The following FHAD1 variants were observed in gnomAD, a reference collection of about 807,000 sequenced individuals.
The protein encoded by FHAD1 is forkhead-associated domain-containing protein 1.
A neutral mutation model predicts 191.3 loss-of-function variants in FHAD1; 146 were observed. The observed-to-expected ratio is 0.76, with a 90% CI of 0.67 to 0.88. The LOEUF is 0.88. Among genes scored for constraint, FHAD1 ranks in the 40% least tolerant of loss-of-function variants. The probability of loss-of-function intolerance (pLI) is 0.00; values close to 1 mark genes in which losing one functional copy is unlikely to be tolerated. For synonymous variants in FHAD1, 616 were observed against 672.3 expected, an observed-to-expected ratio of 0.92 and a Z score of 1.29; for missense variants, 1,635 against 1,785.8, an observed-to-expected ratio of 0.92 and a Z score of 1.52.
chr1:15,250,129 A>G lies in FHAD1; in HGVS notation c.-14-1642A>G, dbSNP rs537566949. On this transcript the variant is annotated intron_variant, in intron 1 of 33. Coordinates refer to ENST00000688493, the MANE Select transcript of FHAD1 (RefSeq NM_001391957.1). ...AACTAGTTGATTTTTGTTTTTACCC[A>G]TAGTCCAATAATTTGTCATTTCACT... Among the ~76,000 whole-genome samples, 7 of 152,342 alleles carry G rather than the reference A, an allele frequency of 4.6e-5. No homozygotes were observed. The East Asian group carries it at 1.2e-3, about 25-fold the overall frequency.
intron 14 of FHAD1, among the ~76,000 whole-genome samples, chr1:15,337,266 A>C (rs904643941): frequency 7.9e-5 from 12 of 152,114 alleles, no homozygotes; most frequent in African/African-American, 2.7e-4. Context: ...CAAATTCAGC[A>C]TGTCTGAAAC....
chr1:15,293,256 C>T (rs979682408), intron 4 of FHAD1, among the ~76,000 whole-genome samples: 2 of 152,220 alleles, frequency 1.3e-5, no homozygotes, highest in African/African-American at 4.8e-5. Flanking sequence ...CAGTTCCCAA[C>T]CCTTGCCCCC....
chr1:15,277,608 T>C (rs879751445), intron 3 of FHAD1, among the ~76,000 whole-genome samples: 5 of 152,174 alleles, frequency 3.3e-5, no homozygotes, highest in African/African-American at 1.2e-4. Context: ...AGCACCTCGG[T>C]CACCTGAGAG....
At chr1:15,344,248 A>G (rs1000697842) in intron 16 of FHAD1, among the ~76,000 whole-genome samples, 14 of 152,208 alleles carry the variant, frequency 9.2e-5, no homozygotes, top group African/African-American at 3.4e-4. Context: ...TCTGACTCCC[A>G]TCACCTGCCC....
rs143340341 is a variant in FHAD1 at position 15,309,300 on chromosome 1, T to C, written c.1039+564T>C. On this transcript the variant is annotated intron_variant, in intron 7 of 33. Transcript: ENST00000688493. ...TAGCCTGGATTCATTCATTCATTCA[T>C]TCATTCAGCACATTTATGGAGCAGC... Among the ~76,000 whole-genome samples, 140 of 152,324 alleles carry C rather than the reference T, an allele frequency of 9.2e-4. 1 individual carries two copies. The Middle Eastern group carries it at 0.01, about 11-fold the overall frequency.
At chr1:15,240,739 A>C (rs1246505051) in intron 1 of FHAD1, among the ~76,000 whole-genome samples, 1 of 151,748 alleles carries the variant, frequency 6.6e-6, no homozygotes, top group Admixed American at 6.6e-5. Flanking sequence ...AGGGTGGATC[A>C]CAAGGTCAGG....
chr1:15,326,880 C>T (rs946569067), intron 11 of FHAD1, 179 bp from the exon 12 acceptor site: 1 of 581,102 alleles, frequency 1.7e-6, no homozygotes. Flanking sequence ...CTGCTGTTCT[C>T]TTTTCTTCTG....
At chr1:15,290,869 C>T (rs192253272) in intron 4 of FHAD1, among the ~76,000 whole-genome samples, 5 of 151,824 alleles carry the variant, frequency 3.3e-5, no homozygotes, top group Admixed American at 1.3e-4. Context: ...CCACTATACC[C>T]GGCTAATTTT....
intron 6 of FHAD1, among the ~76,000 whole-genome samples, chr1:15,302,269 C>T (rs1437147106): frequency 6.6e-6 from 1 of 152,168 alleles, no homozygotes; most frequent in Non-Finnish European, 1.5e-5. Context: ...GCCCGGTGTT[C>T]CAAACACAGA....
At chr1:15,338,431 G>A (rs1685150736) in intron 14 of FHAD1, among the ~76,000 whole-genome samples, 1 of 152,118 alleles carries the variant, frequency 6.6e-6, no homozygotes, top group East Asian at 1.9e-4. Flanking sequence ...CCCTCTGTCT[G>A]TGGTCAAGCC....
intron 3 of FHAD1, among the ~76,000 whole-genome samples, chr1:15,287,790 A>G (rs1325733728): frequency 2.6e-5 from 4 of 152,180 alleles, no homozygotes; most frequent in Admixed American, 2.6e-4. Flanking sequence ...AGCTGTAGAC[A>G]GACTGCAGCT....
At chr1:15,257,981 A>T (rs1399945458) in intron 2 of FHAD1, among the ~76,000 whole-genome samples, 3 of 152,106 alleles carry the variant, frequency 2.0e-5, no homozygotes, top group Non-Finnish European at 2.9e-5. Context: ...AGCTGGGATT[A>T]TGGGCATGAG....
At position 15,318,753 on chromosome 1, in the gene FHAD1, A is replaced by G. The variant is rs1574297060; in HGVS notation, c.1365+825A>G. The stretch of plus-strand genomic sequence containing the variant: ...GTGGCTGCTGCACTGGACAGCACAG[A>G]TATGGAAATTTCCATCAGCACAGCA... On this transcript the variant is annotated intron_variant, in intron 10 of 33. Transcript: ENST00000688493. The surrounding 1 kb of genome is among the most constrained non-coding windows in gnomAD (Gnocchi z 4.1). Among the ~76,000 whole-genome samples the G allele has an allele frequency of 6.6e-6, 1 of 152,366 alleles. No homozygotes were observed. The highest frequency in any genetic ancestry group is 1.5e-5 in the Non-Finnish European group (1 of 68,036).
intron 2 of FHAD1, among the ~76,000 whole-genome samples, chr1:15,260,050 C>T (rs1440745078): frequency 6.6e-6 from 1 of 152,158 alleles, no homozygotes; most frequent in Non-Finnish European, 1.5e-5. Flanking sequence ...GGAACCCCCT[C>T]CTCAAAAGGC....
At chr1:15,267,780 A>T (rs1163722216) in intron 2 of FHAD1, among the ~76,000 whole-genome samples, 1 of 141,154 alleles carries the variant, frequency 7.1e-6, no homozygotes, top group African/African-American at 2.5e-5. Context: ...TAAATAATAT[A>T]TAAAATAATA....
At chr1:15,367,217 A>G (rs574203044) in intron 24 of FHAD1, among the ~76,000 whole-genome samples, 1 of 152,230 alleles carries the variant, frequency 6.6e-6, no homozygotes, top group South Asian at 2.1e-4. Context: ...TAAGGATGCT[A>G]ATAGTAGCTA....
chr1:15,324,894 C>G (rs573844667), intron 11 of FHAD1: 1 of 334,298 alleles, frequency 3.0e-6, no homozygotes, highest in South Asian at 3.9e-5. Flanking sequence ...TGTTTTTAGT[C>G]CTGACATTTA....
intron 6 of FHAD1, 65 bp downstream of exon 6, chr1:15,301,506 C>A: frequency 1.4e-6 from 2 of 1,429,110 alleles, no homozygotes; most frequent in Non-Finnish European, 1.9e-6. Flanking sequence ...CCAGGACCAC[C>A]AACCAAGGTG....
At chr1:15,298,740 C>G (rs941420978) in intron 5 of FHAD1, among the ~76,000 whole-genome samples, 1 of 152,144 alleles carries the variant, frequency 6.6e-6, no homozygotes, top group Non-Finnish European at 1.5e-5. Context: ...TTATTTGTAG[C>G]CATTTTTAAT....
Sources: allele counts gnomAD v4.1 joint callset (sites outside exome capture counted in the v4.1 genomes callset), GRCh38; gene constraint gnomAD v4.1.1; non-coding constraint Gnocchi (gnomAD v3.1); transcripts MANE v1.5; gene names NCBI Gene and HGNC (gene_info 2026-07-23, HGNC 2026-07-21).